The following FHL2 variants were observed in gnomAD, a reference collection of about 807,000 sequenced individuals.
FHL2 encodes the protein four and a half LIM domains 2, also known as four and a half LIM domains protein 2.
A neutral mutation model predicts 32.7 loss-of-function variants in FHL2; 20 were observed. The ratio of observed to expected loss-of-function variants is 0.61; its 90% CI spans 0.43 to 0.89. The LOEUF is 0.89. Ranked by LOEUF, FHL2 falls within the 40% of genes least tolerant of loss-of-function variation. The pLI is 0.00. For synonymous variants in FHL2, 123 were observed against 128.1 expected (o/e 0.96, Z 0.27); for missense variants, 311 against 358.6 (o/e 0.87, Z 1.07).
rs531052343 is a variant in FHL2, at chr2:105,371,292, G to A, written c.331+2267C>T. Among the ~76,000 whole-genome samples, 100 of 152,074 alleles carry A rather than the reference G, an allele frequency of 6.6e-4. 1 individual carries two copies. In the South Asian group the frequency reaches 0.02, roughly 31 times the overall value. On this transcript the variant is annotated intron_variant, in intron 4 of 6. Coordinates refer to ENST00000530340, the MANE Select transcript of FHL2 (RefSeq NM_001318895.3). ...GCTTCGAGTGCAGCACGTTACCCACGTATCAGGGCCGGGCTTCATCTAATC... is the reference window on the plus strand; with the variant it reads ...GCTTCGAGTGCAGCACGTTACCCACATATCAGGGCCGGGCTTCATCTAATC...
chr2:105,395,622 T>C (rs1683072042), intron 2 of FHL2, among the ~76,000 whole-genome samples: 1 of 152,234 alleles, frequency 6.6e-6, no homozygotes, highest in African/African-American at 2.4e-5. Flanking sequence ...TTCCTTCTGC[T>C]TCCTTCATTG....
chr2:105,367,153 G>GTC (rs1159817009), intron 5 of FHL2, among the ~76,000 whole-genome samples: 1 of 151,998 alleles, frequency 6.6e-6, no homozygotes, highest in Non-Finnish European at 1.5e-5. Context: ...TCTCACATCC[G>GTC]TCTCTCTCTC....
At chr2:105,384,953 A>T (rs1367023372) in intron 3 of FHL2, among the ~76,000 whole-genome samples, 1 of 152,248 alleles carries the variant, frequency 6.6e-6, no homozygotes, top group Non-Finnish European at 1.5e-5. Flanking sequence ...TGTTAAATAC[A>T]TGAAAAGGGA....
chr2:105,424,117 C>A (rs1009677003), intron 1 of FHL2, among the ~76,000 whole-genome samples: 1 of 123,540 alleles, frequency 8.1e-6, no homozygotes, highest in Non-Finnish European at 1.8e-5. Flanking sequence ...AAAATTTTTG[C>A]AATCTAAGCC....
In FHL2 at chr2:105,390,226, G is replaced by A. The variant is rs150724256; in HGVS notation, c.-24-3686C>T. The A allele has an allele frequency of 8.8e-3, 1,352 of 153,746 alleles. 9 individuals carry two copies. The highest frequency in any genetic ancestry group is 0.015 in the Non-Finnish European group (1,025 of 68,366). The allele number at this position is 153,746 out of a possible 1,614,324, so 9.5% of individuals were successfully genotyped here. A position where few individuals can be genotyped will look rare whatever the true frequency, so the allele number is the denominator to read the frequency against. On this transcript the variant is annotated intron_variant, in intron 2 of 6. Transcript: ENST00000530340. ...AGCCTGGGCGACAAAGCGAGACTCC[G>A]TCTAAAAAAATAAAAAAATAAATCT...
chr2:105,398,825 C>T lies in FHL2; in HGVS notation c.-76+17G>A, dbSNP rs769802105. ...CCCAGTGGTCTTCCCGGACCCACAG[C>T]TCTGCTCTCCTCTCACCAGTCTCCC... On this transcript the variant is annotated intron_variant, in intron 1 of 6. Transcript: ENST00000530340. 3.4e-5 allele frequency: 48 copies of T among 1,421,942 alleles called. No individual in the cohort carries two copies. In the Admixed American group the frequency reaches 1.4e-3, roughly 40 times the overall value. 88.1% of individuals were successfully genotyped at this position (1,421,942 alleles called of 1,614,324 possible).
chr2:105,396,686 A>G lies in FHL2; in HGVS notation c.-64T>C, dbSNP rs544624767. On this transcript the variant is annotated 5_prime_UTR_variant, in exon 2 of 7. Coordinates refer to ENST00000530340, the MANE Select transcript of FHL2 (RefSeq NM_001318895.3). ...GCCAGCCTAGTCTCCAGGAAGACAC[A>G]GTTCTCAGCCACTAGAGAAAGCACA... 2 of 1,612,872 alleles carry G rather than the reference A, an allele frequency of 1.2e-6. No homozygotes were observed. Among genetic ancestry groups the G allele is most frequent in the Admixed American group, 1.7e-5 (1 of 60,020 alleles).
At chr2:105,432,303 A>C (rs770823743) in intron 1 of FHL2, among the ~76,000 whole-genome samples, 9 of 152,202 alleles carry the variant, frequency 5.9e-5, no homozygotes, top group Non-Finnish European at 1.3e-4. Flanking sequence ...TGTCTCATGC[A>C]CTTTCCACAT....
intron 1 of FHL2, among the ~76,000 whole-genome samples, chr2:105,435,188 G>A (rs182411571): frequency 0.016 from 2,360 of 151,902 alleles, 87 homozygotes; most frequent in East Asian, 0.073. Flanking sequence ...TTTGATGGTT[G>A]CATATATTCC....
At chr2:105,360,589 C>G (rs1319388479), downstream of FHL2, 1 of 152,436 alleles carries the variant, frequency 6.6e-6, no homozygotes, top group Non-Finnish European at 1.5e-5. Context: ...ATCTCCTGAC[C>G]TCATGATCCA....
intron 6 of FHL2, chr2:105,362,996 A>G (rs1019942333): frequency 2.2e-5 from 8 of 363,894 alleles, no homozygotes; most frequent in African/African-American, 1.6e-4. Flanking sequence ...GTGATGTCAC[A>G]GGCTCACAGA....
chr2:105,407,534 A>C (rs912464198), intron 1 of FHL2, among the ~76,000 whole-genome samples: 2 of 152,128 alleles, frequency 1.3e-5, no homozygotes, highest in East Asian at 3.8e-4. Flanking sequence ...TGGGCTTTGC[A>C]CCGAGATCCA....
At chr2:105,432,595 C>T (rs997614366) in intron 1 of FHL2, among the ~76,000 whole-genome samples, 1 of 151,500 alleles carries the variant, frequency 6.6e-6, no homozygotes, top group East Asian at 1.9e-4. Context: ...AGGAAGTTTA[C>T]AGAGTTTAGA....
chr2:105,433,872 G>A (rs554519378), intron 1 of FHL2, among the ~76,000 whole-genome samples: 1 of 152,202 alleles, frequency 6.6e-6, no homozygotes, highest in African/African-American at 2.4e-5. Context: ...GGGGAGTCAA[G>A]AGACTTTCTT....
chr2:105,363,365 C>G lies in FHL2; in HGVS notation c.608G>C (p.Arg203Pro). ...GTTCAGGCAGTAGGCAAAGTCATCG[C>G]GAGCTGTGAAGCGCTGCCCAGACAG... Reference protein sequence around the residue: ...KQLSGQRFTARDDFAYCLNCF... With the variant: ...KQLSGQRFTAPDDFAYCLNCF... Residue 203 changes from arginine to proline, a missense_variant, in exon 6 of 7, where the codon CGC becomes CCC. Coordinates refer to ENST00000530340, the MANE Select transcript of FHL2 (RefSeq NM_001318895.3). The G allele has an allele frequency of 6.2e-7, 1 of 1,614,190 alleles. No individual in the cohort carries two copies. The highest frequency in any genetic ancestry group is 2.2e-5 in the East Asian group (1 of 44,878).
chr2:105,427,587 T>C (rs151250297), intron 1 of FHL2, among the ~76,000 whole-genome samples: 4 of 152,334 alleles, frequency 2.6e-5, no homozygotes, highest in Non-Finnish European at 5.9e-5. Context: ...TGTCCCTGAC[T>C]TTCGAACAGA....
rs116482831 is a variant in FHL2, at chr2:105,437,090, G to A, written c.-25+1309C>T. 3.8e-3 allele frequency among the ~76,000 whole-genome samples: 573 copies of A among 152,286 alleles called. 4 individuals carry two copies. Among genetic ancestry groups the A allele is most frequent in the African/African-American group, 0.013 (522 of 41,564 alleles). On this transcript the variant is annotated intron_variant, in intron 1 of 5. Coordinates refer to the FHL2 transcript ENST00000393352. ...ATAGAACAATGAAACCTAAAAGTAC[G>A]AAACCTGCTGAAAGGCAAGATGGTG...
chr2:105,386,143 A>T (rs1682290405), intron 3 of FHL2: 1 of 494,708 alleles, frequency 2.0e-6, no homozygotes, highest in South Asian at 4.2e-5. Context: ...GATACTAAGC[A>T]CAAAAGTCCT....
intron 3 of FHL2, among the ~76,000 whole-genome samples, chr2:105,385,151 C>G (rs950024892): frequency 3.3e-5 from 5 of 152,194 alleles, no homozygotes; most frequent in Non-Finnish European, 2.9e-5. Context: ...CCAAAAGACA[C>G]AGGGCTGCAG....
Sources: allele counts gnomAD v4.1 joint callset (sites outside exome capture counted in the v4.1 genomes callset), GRCh38; gene constraint gnomAD v4.1.1; transcripts MANE v1.5; gene names NCBI Gene and HGNC (gene_info 2026-07-23, HGNC 2026-07-21).